The following ZNF729 variants were observed in gnomAD, a reference collection of about 807,000 sequenced individuals.
The protein encoded by ZNF729 is zinc finger protein 729.
A neutral mutation model predicts 12.2 loss-of-function variants in ZNF729; 15 were observed. The observed-to-expected ratio is 1.23, with a 90% CI of 0.82 to 1.89. The LOEUF (loss-of-function observed/expected upper bound fraction) is 1.89, where lower values mean the gene tolerates loss of function less well. Among genes scored for constraint, ZNF729 ranks in the 40% most tolerant of loss-of-function variants. ZNF729 has a pLI of 0.00. For synonymous variants in ZNF729, 492 were observed against 476.3 expected (o/e 1.03, Z -0.43); for missense variants, 1,540 against 1,456.7 (o/e 1.06, Z -0.93).
chr19:22,305,214 TG>T (rs1273567108), intron 3 of ZNF729, among the ~76,000 whole-genome samples: 9 of 152,204 alleles, frequency 5.9e-5, no homozygotes, highest in Non-Finnish European at 1.2e-4. Context: ...ATAAGCTTCC[TG>T]ACCTGAGACA....
Position 22,314,351 on chromosome 19 carries a change from G to T in ZNF729, c.934G>T (p.Val312Leu). 6.3e-7 allele frequency: 1 copy of T among 1,594,878 alleles called. No individual in the cohort carries two copies. The highest frequency in any genetic ancestry group is 8.6e-7 in the Non-Finnish European group (1 of 1,169,468). ...KGSSNFNAHK[V>L]IHTAEKPYKC... ...GTCCTCAAATTTTAATGCACATAAG[G>T]TAATTCATACTGCAGAGAAACCCTA... Residue 312 changes from valine (V) to leucine (L), a missense_variant, in exon 4 of 4, where the codon GTA (valine) becomes TTA (leucine). Physicochemically the swap from Val to Leu is conservative, Grantham distance 32. Coordinates refer to ENST00000601693, the MANE Select transcript of ZNF729 (RefSeq NM_001242680.2).
intron 1 of ZNF729, among the ~76,000 whole-genome samples, chr19:22,300,414 T>G (rs1968289303): frequency 6.6e-6 from 1 of 152,208 alleles, no homozygotes; most frequent in Non-Finnish European, 1.5e-5. Flanking sequence ...GGAGTTTCTC[T>G]GGGGCTGAAG....
rs775863998 is a variant in ZNF729 at position 22,317,084 on chromosome 19, A to T, written c.3667A>T (p.Lys1223Ter). The change falls in exon 4 of 4, where the codon AAG becomes TAG. Residue 1223 changes from lysine (K) to a stop codon, truncating the protein, a stop_gained. Transcript: ENST00000601693. LOFTEE classifies it high-confidence loss of function. ...ACCTACAAATGTGAAGAAAGTACCA[A>T]AGCTTTTAAGCAATCCTCACACCTT... ...EKPTNVKKVP[K>*]LLSNPHTLLD... The T allele has an allele frequency of 3.1e-6, 5 of 1,600,394 alleles. No homozygotes were observed. The highest frequency in any genetic ancestry group is 4.3e-6 in the Non-Finnish European group (5 of 1,174,652).
intron 3 of ZNF729, among the ~76,000 whole-genome samples, chr19:22,309,348 G>A (rs1324865085): frequency 6.6e-6 from 1 of 152,150 alleles, no homozygotes; most frequent in East Asian, 1.9e-4. Context: ...GGGAGGCTGA[G>A]GCAGGAGAAT....
At position 22,316,178 on chromosome 19, in the gene ZNF729, T is replaced by C. The variant is rs755736936; in HGVS notation, c.2761T>C (p.Ser921Pro). 1 of 1,581,914 alleles carries C rather than the reference T, an allele frequency of 6.3e-7. No homozygotes were observed. Among genetic ancestry groups the C allele is most frequent in the South Asian group, 1.1e-5 (1 of 89,904 alleles). The change falls in exon 4 of 4, where the codon TCA becomes CCA. Residue 921 changes from serine (S) to proline (P), a missense_variant. Physicochemically the swap from Ser to Pro is moderately conservative, Grantham distance 74 (BLOSUM62 -1). Coordinates refer to ENST00000601693, the MANE Select transcript of ZNF729 (RefSeq NM_001242680.2). Reference sequence around the variant, plus strand: ...ATGTGGCAAAGCTTTTAAGCATTTCTCAGCCCTTAGAAAACATAAGATAAT... The same window carrying C: ...ATGTGGCAAAGCTTTTAAGCATTTCCCAGCCCTTAGAAAACATAAGATAAT... ...EECGKAFKHFSALRKHKIIHT... is the reference protein window; with the variant it reads ...EECGKAFKHFPALRKHKIIHT...
In ZNF729 at chr19:22,315,802, C is replaced by T; in HGVS notation, c.2385C>T (p.Pro795=). The T allele has an allele frequency of 6.2e-7, 1 of 1,610,106 alleles. No individual in the cohort carries two copies. The highest frequency in any genetic ancestry group is 8.5e-7 in the Non-Finnish European group (1 of 1,179,526). ...AGGTAATTCATACTGGAGAGAAACC[C>T]TACAAGTGTGAAGAATGTGGTAAAG... ...KHKVIHTGEK[P]YKCEECGKAF... The change falls in exon 4 of 4, where the codon CCC becomes CCT. Residue 795 remains proline, a synonymous_variant. Coordinates refer to ENST00000601693, the MANE Select transcript of ZNF729 (RefSeq NM_001242680.2).
chr19:22,316,377 C>A lies in ZNF729; in HGVS notation c.2960C>A (p.Thr987Asn). Residue 987 changes from threonine to asparagine, a missense_variant, in exon 4 of 4, where the codon ACT becomes AAT. Thr to Asn is a moderately conservative substitution (Grantham distance 65). Coordinates refer to ENST00000601693, the MANE Select transcript of ZNF729 (RefSeq NM_001242680.2). ...CTTACTAGACATAAAGCAATTCATA[C>A]TGGGGAGAAACCCTACAAATGCGAA... ...SHLTRHKAIH[T>N]GEKPYKCEEC... 1 of 1,613,670 alleles carries A rather than the reference C, an allele frequency of 6.2e-7. No homozygotes were observed. The highest frequency in any genetic ancestry group is 2.2e-5 in the East Asian group (1 of 44,840).
intron 3 of ZNF729, 49 bp downstream of exon 3, chr19:22,304,832 T>G: frequency 6.4e-7 from 1 of 1,564,040 alleles, no homozygotes; most frequent in Non-Finnish European, 8.7e-7. Context: ...GGTCCAGAGG[T>G]CAAGGAGAAA....
At chr19:22,287,364 T>C (rs1399151387) in intron 1 of ZNF729, among the ~76,000 whole-genome samples, 1 of 151,972 alleles carries the variant, frequency 6.6e-6, no homozygotes, top group East Asian at 1.9e-4. Context: ...CCTCCCGGGT[T>C]CAAGCGATTC....
In ZNF729 at chr19:22,314,765, C is replaced by G; in HGVS notation, c.1348C>G (p.His450Asp). Residue 450 changes from histidine (H) to aspartate (D), a missense_variant, in exon 4 of 4, where the codon CAT becomes GAT. Physicochemically the swap from His to Asp is moderately conservative, Grantham distance 81 (BLOSUM62 -1). Coordinates refer to ENST00000601693, the MANE Select transcript of ZNF729 (RefSeq NM_001242680.2). ...TAACAGTTCCTCAACCCTTATGAAA[C>G]ATAAGATAATTCATACTGGGGAGAA... ...AFNSSSTLMK[H>D]KIIHTGEKPY... 6.2e-7 allele frequency: 1 copy of G among 1,613,540 alleles called. No individual in the cohort carries two copies. Among genetic ancestry groups the G allele is most frequent in the Non-Finnish European group, 8.5e-7 (1 of 1,179,872 alleles).
chr19:22,295,641 C>T (rs1365137457), intron 1 of ZNF729, among the ~76,000 whole-genome samples: 1 of 152,110 alleles, frequency 6.6e-6, no homozygotes, highest in Non-Finnish European at 1.5e-5. Flanking sequence ...ACCTCGTGAT[C>T]CGCCCGTCTC....
chr19:22,287,410 G>A (rs1313110085), intron 1 of ZNF729, among the ~76,000 whole-genome samples: 2 of 151,906 alleles, frequency 1.3e-5, no homozygotes, highest in Admixed American at 1.3e-4. Context: ...GGGATTACAG[G>A]CATGTGCCAC....
Position 22,316,453 on chromosome 19 carries a change from A to G in ZNF729, c.3036A>G (p.Leu1012=). The change falls in exon 4 of 4, where the codon CTA becomes CTG. Residue 1012 remains leucine, a synonymous_variant. Coordinates refer to ENST00000601693, the MANE Select transcript of ZNF729 (RefSeq NM_001242680.2). ...CCTCAACCCTTAAGAAACATAAGCT[A>G]ATTCATACTAGGGAGAAATTGTACA... ...NNSSTLKKHK[L]IHTREKLYKC... The G allele has an allele frequency of 6.2e-7, 1 of 1,613,680 alleles. No homozygotes were observed. Among genetic ancestry groups the G allele is most frequent in the Non-Finnish European group, 8.5e-7 (1 of 1,179,714 alleles).
At chr19:22,313,574 A>G in intron 3 of ZNF729, 97 bp from the exon 4 acceptor site, 1 of 1,132,998 alleles carries the variant, frequency 8.8e-7, no homozygotes, top group Non-Finnish European at 1.2e-6. Context: ...TTGCTGTGCC[A>G]TCTTATGTGG....
Position 22,303,779 on chromosome 19 carries a change from G to C in ZNF729, c.52G>C (p.Val18Leu), listed in dbSNP as rs750130568. 8 of 1,570,776 alleles carry C rather than the reference G, an allele frequency of 5.1e-6. No homozygotes were observed. Among genetic ancestry groups the C allele is most frequent in the Non-Finnish European group, 6.9e-6 (8 of 1,153,168 alleles). ...LEMGPLTFRD[V>L]TIEFSLEEWQ... ...TCAGGGACCATTGACATTTAGAGAT[G>C]TGACCATAGAATTCTCTCTGGAGGA... The change falls in exon 2 of 4, where the codon GTG (valine) becomes CTG (leucine). Residue 18 changes from valine (V) to leucine (L), a missense_variant. Val to Leu is a conservative substitution (Grantham distance 32, BLOSUM62 1). Coordinates refer to ENST00000601693, the MANE Select transcript of ZNF729 (RefSeq NM_001242680.2).
chr19:22,306,310 A>G (rs113179295), intron 3 of ZNF729, among the ~76,000 whole-genome samples: 3,777 of 151,800 alleles, frequency 0.025, 153 homozygotes, highest in African/African-American at 0.087. Flanking sequence ...ATGGTGGCAC[A>G]CATCAGTAGC....
In ZNF729 at chr19:22,315,984, A is replaced by C. The variant is rs760008492; in HGVS notation, c.2567A>C (p.Glu856Ala). 4 of 1,611,318 alleles carry C rather than the reference A, an allele frequency of 2.5e-6. No individual in the cohort carries two copies. Reference sequence around the variant, plus strand: ...GGAAAGAAACCCTACAAATGTGAAGAATGTGGCAAAGCTTTTAGCCAATCC... The same window carrying C: ...GGAAAGAAACCCTACAAATGTGAAGCATGTGGCAAAGCTTTTAGCCAATCC... Reference protein sequence around the residue: ...HTGKKPYKCEECGKAFSQSSS... With the variant: ...HTGKKPYKCEACGKAFSQSSS... The change falls in exon 4 of 4, where the codon GAA becomes GCA. Residue 856 changes from glutamate to alanine, a missense_variant. Transcript: ENST00000601693.
At chr19:22,291,292 C>T (rs1481504757) in intron 1 of ZNF729, among the ~76,000 whole-genome samples, 1 of 152,106 alleles carries the variant, frequency 6.6e-6, no homozygotes, top group African/African-American at 2.4e-5. Flanking sequence ...TTCAGATCTC[C>T]TCCCGGGGTG....
intron 1 of ZNF729, among the ~76,000 whole-genome samples, chr19:22,292,502 G>C (rs1252954854): frequency 6.6e-6 from 1 of 152,026 alleles, no homozygotes; most frequent in Non-Finnish European, 1.5e-5. Flanking sequence ...ATAGTGGCAT[G>C]ATCTCAGCTT....
Sources: gnomAD v4.1 joint callset for allele counts (sites outside exome capture counted in the v4.1 genomes callset) on GRCh38, gnomAD v4.1.1 for gene constraint, MANE v1.5 for transcripts, NCBI Gene and HGNC (gene_info 2026-07-23, HGNC 2026-07-21) for gene names.